The following MTOR variants were observed in gnomAD, a reference collection of about 807,000 sequenced individuals.
The protein encoded by MTOR is serine/threonine-protein kinase mTOR.
Under a neutral mutation model 319.8 loss-of-function variants are expected in MTOR, and 70 were observed. That is an observed-to-expected ratio of 0.22 (90% CI 0.18 to 0.27). The LOEUF (loss-of-function observed/expected upper bound fraction) is 0.27, where lower values mean the gene tolerates loss of function less well. MTOR is among the 10% of genes least tolerant of loss of function. The probability of loss-of-function intolerance (pLI) is 1.00; values close to 1 mark genes in which losing one functional copy is unlikely to be tolerated. For missense variants in MTOR, 1,890 were observed against 3,274.4 expected (o/e 0.58, Z 10.32); for synonymous variants, 1,183 against 1,211.4 (o/e 0.98, Z 0.49).
chr1:11,128,478 T>C lies in MTOR; in HGVS notation c.5886A>G (p.Thr1962=). 2 of 1,614,192 alleles carry C rather than the reference T, an allele frequency of 1.2e-6. No homozygotes were observed. The highest frequency in any genetic ancestry group is 2.2e-5 in the East Asian group (1 of 44,880). The change falls in exon 42 of 58, where the codon ACA becomes ACG. Residue 1962 remains threonine (T), a synonymous_variant. Coordinates refer to ENST00000361445, the MANE Select transcript of MTOR (RefSeq NM_004958.4). This position sits in a 1 kb window ranked among gnomAD's most constrained non-coding sequence, Gnocchi z 5.3. ...CCTGGGGGTGGTACCGACCAATGTC[T>C]GTGAGAAGCTGGTGAATGAGACGTC... The part of the protein sequence containing the change: ...LVGRLIHQLL[T]DIGRYHPQAL...
chr1:11,192,426 G>T (rs1335440303), intron 28 of MTOR: 31 of 1,421,694 alleles, frequency 2.2e-5, no homozygotes, highest in Non-Finnish European at 2.7e-5. Flanking sequence ...ACCCCCTCAA[G>T]GGGACTACAA....
At chr1:11,167,548 C>A (rs766063744) in intron 28 of MTOR, 31 bp from the exon 29 acceptor site, 1 of 1,576,752 alleles carries the variant, frequency 6.3e-7, no homozygotes, top group East Asian at 2.2e-5. Context: ...GGTAGTTACA[C>A]TCAACAGGTC....
In MTOR at chr1:11,133,793, C is replaced by G. The variant is rs984197958; in HGVS notation, c.5246+558G>C. Among the ~76,000 whole-genome samples the G allele has an allele frequency of 2.6e-5, 4 of 152,150 alleles. No homozygotes were observed. Among genetic ancestry groups the G allele is most frequent in the Admixed American group, 2.6e-4 (4 of 15,280 alleles). On this transcript the variant is annotated intron_variant, in intron 37 of 57. Transcript: ENST00000361445. This position sits in a 1 kb window ranked among gnomAD's most constrained non-coding sequence, Gnocchi z 4.0. The stretch of plus-strand genomic sequence containing the variant: ...TCTGCAGCACAGAGTGGCACAGTGG[C>G]CCACACCTATAATCCCAGCATTTTG...
rs2100402388 is a variant in MTOR at position 11,127,115 on chromosome 1, T to C, written c.6246A>G (p.Gln2082=). The C allele has an allele frequency of 6.2e-7, 1 of 1,614,194 alleles. No individual in the cohort carries two copies. The highest frequency in any genetic ancestry group is 2.2e-5 in the East Asian group (1 of 44,882). Residue 2082 remains glutamine (Q), a synonymous_variant, in exon 45 of 58, where the codon CAA becomes CAG. Transcript: ENST00000361445. This position sits in a 1 kb window ranked among gnomAD's most constrained non-coding sequence, Gnocchi z 5.5. ...ATTTCATGTACTTCCTGCACCACTCTTGGGCCTCCATTAAATCTCGACCAT... is the reference window on the plus strand; with the variant it reads ...ATTTCATGTACTTCCTGCACCACTCCTGGGCCTCCATTAAATCTCGACCAT... ...QAYGRDLMEA[Q]EWCRKYMKSG...
intron 20 of MTOR, among the ~76,000 whole-genome samples, chr1:11,215,160 C>T (rs969684590): frequency 3.9e-5 from 6 of 152,086 alleles, no homozygotes; most frequent in Non-Finnish European, 8.8e-5. Context: ...CATATTGTAT[C>T]CTTGTTTAGC....
intron 26 of MTOR, among the ~76,000 whole-genome samples, chr1:11,203,555 T>C (rs1379517319): frequency 6.6e-6 from 1 of 151,872 alleles, no homozygotes; most frequent in Non-Finnish European, 1.5e-5. Context: ...ACACCTGTAA[T>C]CCCAGCTACA....
chr1:11,136,172 T>C (rs1643408886), intron 36 of MTOR, among the ~76,000 whole-genome samples: 1 of 152,124 alleles, frequency 6.6e-6, no homozygotes, highest in Admixed American at 6.5e-5. Flanking sequence ...ATGTTAGTGA[T>C]GATGGCCTTG....
intron 54 of MTOR, chr1:11,111,142 C>T (rs1040791126): frequency 2.0e-5 from 9 of 455,708 alleles, no homozygotes; most frequent in African/African-American, 6.0e-5. Flanking sequence ...CTGAAACACC[C>T]TTTTCCTTTC....
At chr1:11,124,288 T>C (rs1020007669) in intron 47 of MTOR, among the ~76,000 whole-genome samples, 2 of 152,068 alleles carry the variant, frequency 1.3e-5, no homozygotes, top group African/African-American at 4.8e-5. Flanking sequence ...AGTGGCACAA[T>C]CACAGCTCAC....
At chr1:11,130,335 C>G (rs1470106722) in intron 39 of MTOR, among the ~76,000 whole-genome samples, 194 bp downstream of exon 39, 1 of 152,238 alleles carries the variant, frequency 6.6e-6, no homozygotes, top group Non-Finnish European at 1.5e-5. Context: ...GAGGCTGCGT[C>G]AGCTCCCCAA....
chr1:11,259,807 G>T (rs1436252493), intron 1 of MTOR, among the ~76,000 whole-genome samples: 1 of 152,138 alleles, frequency 6.6e-6, no homozygotes, highest in Non-Finnish European at 1.5e-5. Flanking sequence ...GCTGGGCGTG[G>T]TGGCATGTGT....
In MTOR at chr1:11,262,250, G is replaced by C. The variant is rs150080183; in HGVS notation, c.-15+195C>G. Among the ~76,000 whole-genome samples the C allele has an allele frequency of 6.6e-5, 10 of 152,346 alleles. No individual in the cohort carries two copies. The East Asian group carries it at 1.9e-3, about 29-fold the overall frequency. ...GGGCCGAAGGGTCCAGGGGTCTCTT[G>C]GGGGTCCCGGGGAGGTGGGCGTTGC... is the stretch of plus-strand genomic sequence containing the variant. On this transcript the variant is annotated intron_variant, in intron 1 of 57. Transcript: ENST00000361445.
intron 29 of MTOR, among the ~76,000 whole-genome samples, chr1:11,160,075 CATTTATTTATTT>C (rs70977549): frequency 2.1e-5 from 3 of 143,420 alleles, no homozygotes; most frequent in South Asian, 2.3e-4. Context: ...TCAATTATAG[CATTTATTTATTT>C]ATTTATTTAT....
chr1:11,232,902 T>A lies in MTOR; in HGVS notation c.2422-374A>T, dbSNP rs1405969386. On this transcript the variant is annotated intron_variant, in intron 15 of 57. Coordinates refer to ENST00000361445, the MANE Select transcript of MTOR (RefSeq NM_004958.4). ...AATAAATAAAATAAAAAATTTTTTT[T>A]AAAAAAGCCCTCTCTTCCTTTCTCC... is the stretch of plus-strand genomic sequence containing the variant. 20 of 601,410 alleles carry A rather than the reference T, an allele frequency of 3.3e-5. No individual in the cohort carries two copies. The East Asian group carries it at 3.3e-4, about 10-fold the overall frequency. The allele number at this position is 601,410 out of a possible 1,614,324, so 37.3% of individuals were successfully genotyped here.
chr1:11,181,217 GA>G (rs1645135295), intron 28 of MTOR, among the ~76,000 whole-genome samples: 1 of 152,124 alleles, frequency 6.6e-6, no homozygotes, highest in African/African-American at 2.4e-5. Context: ...AGGAGAGGGA[GA>G]AAACCTGATC....
At chr1:11,241,912 C>A (rs1265061702) in intron 9 of MTOR, among the ~76,000 whole-genome samples, 1 of 152,080 alleles carries the variant, frequency 6.6e-6, no homozygotes, top group Admixed American at 6.6e-5. Context: ...AAGGAAGGGG[C>A]CTTTTTTCTG....
In MTOR at chr1:11,109,695, G is replaced by C. The variant is rs151027751; in HGVS notation, c.7401C>G (p.Ala2467=). The part of the protein sequence containing the change: ...ILDGVELGEP[A]HKKTGTTVPE... ...GCACTGTGGTCCCCGTTTTCTTATG[G>C]GCTGGCTCTCCAAGTTCCACACCGT... Residue 2467 remains alanine, a synonymous_variant, in exon 55 of 58, where the codon GCC becomes GCG. Transcript: ENST00000361445. This position sits in a 1 kb window ranked among gnomAD's most constrained non-coding sequence, Gnocchi z 4.0. 3.2e-4 allele frequency: 524 copies of C among 1,614,014 alleles called. 3 individuals are homozygous for C. Among genetic ancestry groups the C allele is most frequent in the Non-Finnish European group, 3.9e-4 (459 of 1,179,990 alleles).
At chr1:11,155,980 A>T (rs1239167692) in intron 30 of MTOR, among the ~76,000 whole-genome samples, 2 of 152,012 alleles carry the variant, frequency 1.3e-5, no homozygotes, top group Non-Finnish European at 2.9e-5. Flanking sequence ...TTAGTCATTT[A>T]TTTTTTATTT....
At position 11,139,377 on chromosome 1, in the gene MTOR, T is replaced by A; in HGVS notation, c.5057A>T (p.Asp1686Val). The change falls in exon 36 of 58, where the codon GAC (aspartate) becomes GTC (valine). Residue 1686 changes from aspartate (D) to valine (V), a missense_variant. Asp to Val is a radical substitution (Grantham distance 152, BLOSUM62 -3). This residue lies in a region of MTOR where 276 missense variants were observed against 459.4 expected (regional missense o/e 0.60). Coordinates refer to ENST00000361445, the MANE Select transcript of MTOR (RefSeq NM_004958.4). ...AGGGTGAACTGTTGGCAGAGGATGG[T>A]CAAGTTGCCGAGACGGATCAACTCC... ...LLGVDPSRQL[D>V]HPLPTVHPQV... 6.2e-7 allele frequency: 1 copy of A among 1,613,598 alleles called. No homozygotes were observed. Among genetic ancestry groups the A allele is most frequent in the Non-Finnish European group, 8.5e-7 (1 of 1,179,894 alleles).
Sources: allele counts gnomAD v4.1 joint callset (sites outside exome capture counted in the v4.1 genomes callset), GRCh38; gene constraint gnomAD v4.1.1; regional missense constraint gnomAD v4.1.1; non-coding constraint Gnocchi (gnomAD v3.1); transcripts MANE v1.5; gene names NCBI Gene and HGNC (gene_info 2026-07-23, HGNC 2026-07-21).